Variants in DAPK1 observed in about 807,000 individuals in gnomAD.
DAPK1 encodes the protein death associated protein kinase 1, also known as death-associated protein kinase 1.
DAPK1 carries 56 observed loss-of-function variants against 144.9 expected under a neutral mutation model. That is an observed-to-expected ratio of 0.39 (90% CI 0.31 to 0.48). The LOEUF (loss-of-function observed/expected upper bound fraction) is 0.48. DAPK1 is among the 20% of genes least tolerant of loss of function. The probability of loss-of-function intolerance (pLI) is 0.95; values close to 1 mark genes in which losing one functional copy is unlikely to be tolerated. For missense variants in DAPK1, 1,454 were observed against 1,875.4 expected, an observed-to-expected ratio of 0.78 and a Z score of 4.15; for synonymous variants, 690 against 749.0, an observed-to-expected ratio of 0.92 and a Z score of 1.29.
intron 3 of DAPK1, among the ~76,000 whole-genome samples, chr9:87,617,539 C>T (rs1235600218): frequency 6.6e-6 from 1 of 152,202 alleles, no homozygotes; most frequent in Non-Finnish European, 1.5e-5. Context: ...TCTTCCTTGA[C>T]TCTCATTCCC....
intron 3 of DAPK1, 103 bp downstream of exon 3, chr9:87,605,278 G>A: frequency 3.2e-6 from 3 of 941,470 alleles, no homozygotes; most frequent in Non-Finnish European, 5.0e-6. Flanking sequence ...AGAGGGATCA[G>A]GAATTGGTTC....
Position 87,700,143 on chromosome 9 carries a change from A to G in DAPK1, c.2777A>G (p.Asn926Ser), listed in dbSNP as rs374262081. 1.1e-5 allele frequency: 18 copies of G among 1,610,976 alleles called. No homozygotes were observed. In the African/African-American group the frequency reaches 2.3e-4, roughly 20 times the overall value. ...NRFGNDLHIS[N>S]KLFVLDAGAS... is the part of the protein sequence containing the mutation. Reference sequence around the variant, plus strand: ...TTTGGAAATGATCTTCACATTTCAAATAAGCTGTTTGTTCTGGATGCTGGG... The same window carrying G: ...TTTGGAAATGATCTTCACATTTCAAGTAAGCTGTTTGTTCTGGATGCTGGG... Residue 926 changes from asparagine to serine, a missense_variant, in exon 24 of 26, where the codon AAT (asparagine) becomes AGT (serine). Coordinates refer to ENST00000408954, the MANE Select transcript of DAPK1 (RefSeq NM_004938.4).
chr9:87,654,859 G>A (rs1830579005), intron 17 of DAPK1, among the ~76,000 whole-genome samples: 1 of 152,130 alleles, frequency 6.6e-6, no homozygotes, highest in Non-Finnish European at 1.5e-5. Context: ...AACAGGGAAT[G>A]TGTTCTTCCC....
chr9:87,600,247 C>T (rs946191411), intron 2 of DAPK1, among the ~76,000 whole-genome samples: 14 of 152,158 alleles, frequency 9.2e-5, no homozygotes, highest in African/African-American at 3.4e-4. Flanking sequence ...CGTGCATGTC[C>T]ACAAGTGACT....
Position 87,557,679 on chromosome 9 carries a change from G to A in DAPK1, c.63-47275G>A, listed in dbSNP as rs1035970818. On this transcript the variant is annotated intron_variant, in intron 2 of 25. Coordinates refer to ENST00000408954, the MANE Select transcript of DAPK1 (RefSeq NM_004938.4). Reference sequence around the variant, plus strand: ...TCCTTGGCAGGGCGCGGTAGCTTATGCTTATAATCACAGCACTTTGGGAGG... The same window carrying A: ...TCCTTGGCAGGGCGCGGTAGCTTATACTTATAATCACAGCACTTTGGGAGG... Among the ~76,000 whole-genome samples the A allele has an allele frequency of 3.9e-5, 6 of 152,154 alleles. 1 individual carries two copies. In the East Asian group the frequency reaches 1.2e-3, roughly 29 times the overall value.
At chr9:87,636,417 T>C (rs904203851) in intron 3 of DAPK1, among the ~76,000 whole-genome samples, 2 of 152,144 alleles carry the variant, frequency 1.3e-5, no homozygotes, top group Non-Finnish European at 2.9e-5. Context: ...AATTAAGACG[T>C]GGGAAAATGG....
In DAPK1 at chr9:87,686,248, G is replaced by A. The variant is rs1311371844; in HGVS notation, c.2225-303G>A. Among the ~76,000 whole-genome samples the A allele has an allele frequency of 1.3e-5, 2 of 152,132 alleles. No individual in the cohort carries two copies. The highest frequency in any genetic ancestry group is 6.5e-5 in the Admixed American group (1 of 15,278). On this transcript the variant is annotated intron_variant, in intron 20 of 25. Coordinates refer to ENST00000408954, the MANE Select transcript of DAPK1 (RefSeq NM_004938.4). The surrounding 1 kb of genome is among the most constrained non-coding windows in gnomAD (Gnocchi z 4.2). ...CCACCCTCTCCACAGCCTCCCGTTG[G>A]CTGACCCTAAGCAGAAATCACATGG...
At position 87,500,639 on chromosome 9, in the gene DAPK1, A is replaced by G. The variant is rs574423295; in HGVS notation, c.62+1500A>G. 9.2e-5 allele frequency among the ~76,000 whole-genome samples: 14 copies of G among 152,178 alleles called. No individual in the cohort carries two copies. In the East Asian group the frequency reaches 2.7e-3, roughly 29 times the overall value. ...ATTTTCATTATGATTTTTTGGTACCATTATGTGTTATGAGAAAGAAATAGA... is the reference window on the plus strand; with the variant it reads ...ATTTTCATTATGATTTTTTGGTACCGTTATGTGTTATGAGAAAGAAATAGA... On this transcript the variant is annotated intron_variant, in intron 2 of 25. Coordinates refer to ENST00000408954, the MANE Select transcript of DAPK1 (RefSeq NM_004938.4).
At chr9:87,616,449 G>A (rs1829099421) in intron 3 of DAPK1, among the ~76,000 whole-genome samples, 1 of 152,164 alleles carries the variant, frequency 6.6e-6, no homozygotes, top group Non-Finnish European at 1.5e-5. Flanking sequence ...GTTGACCAGG[G>A]AGAAGGACAG....
intron 1 of DAPK1, 194 bp from the exon 2 acceptor site, chr9:87,498,776 C>G (rs1299495491): frequency 2.3e-6 from 1 of 436,140 alleles, no homozygotes; most frequent in Non-Finnish European, 4.1e-6. Flanking sequence ...CGGCCCCACG[C>G]GCGCGCGGGG....
intron 1 of DAPK1, chr9:87,498,386 T>G: frequency 3.0e-5 from 10 of 334,662 alleles, no homozygotes; most frequent in Non-Finnish European, 2.7e-5. Flanking sequence ...GGCCGCTCCC[T>G]TCCCTCCCTT....
At chr9:87,674,443 A>G (rs919668866) in intron 19 of DAPK1, among the ~76,000 whole-genome samples, 1 of 136,632 alleles carries the variant, frequency 7.3e-6, no homozygotes, top group Non-Finnish European at 1.5e-5. Flanking sequence ...TGAACCCAGG[A>G]GGTGGAGGTT....
Position 87,650,023 on chromosome 9 carries a change from G to A in DAPK1, c.1531G>A (p.Gly511Arg). The change falls in exon 16 of 26, where the codon GGA becomes AGA. Residue 511 changes from glycine (G) to arginine (R), a missense_variant. Around this residue, in one of 2 missense-constraint regions of DAPK1, gnomAD observed 1,025 missense variants for 1,237.9 expected, o/e 0.83. Transcript: ENST00000408954. ...GCNVNIKNRE[G>R]ETPLLTASAR... Reference sequence around the variant, plus strand: ...TAACGTGAACATCAAGAACCGAGAAGGAGAGACGCCCCTCCTGACAGCCTC... The same window carrying A: ...TAACGTGAACATCAAGAACCGAGAAAGAGAGACGCCCCTCCTGACAGCCTC... The A allele has an allele frequency of 6.2e-7, 1 of 1,614,194 alleles. No homozygotes were observed. The highest frequency in any genetic ancestry group is 8.5e-7 in the Non-Finnish European group (1 of 1,180,038).
chr9:87,502,220 T>A (rs1246385021), intron 2 of DAPK1, among the ~76,000 whole-genome samples: 1 of 152,002 alleles, frequency 6.6e-6, no homozygotes, highest in Admixed American at 6.6e-5. Context: ...TTCTGAATAA[T>A]GCAGCCCTGG....
At chr9:87,582,565 T>A (rs951334046) in intron 2 of DAPK1, among the ~76,000 whole-genome samples, 1 of 151,646 alleles carries the variant, frequency 6.6e-6, no homozygotes, top group Admixed American at 6.6e-5. Context: ...TGCTTTTTTT[T>A]TTTTTTTGAG....
chr9:87,507,645 A>G (rs894068139), intron 2 of DAPK1, among the ~76,000 whole-genome samples: 1 of 150,190 alleles, frequency 6.7e-6, no homozygotes, highest in African/African-American at 2.4e-5. Context: ...AATGTTGTTG[A>G]TTTTTTTTTT....
intron 3 of DAPK1, among the ~76,000 whole-genome samples, chr9:87,636,749 T>G (rs925877538): frequency 6.6e-6 from 1 of 152,250 alleles, no homozygotes; most frequent in Non-Finnish European, 1.5e-5. Flanking sequence ...AGAGAGATAA[T>G]GAATACAGCA....
chr9:87,616,178 G>A (rs1406185464), intron 3 of DAPK1, among the ~76,000 whole-genome samples: 1 of 152,238 alleles, frequency 6.6e-6, no homozygotes, highest in Non-Finnish European at 1.5e-5. Context: ...ATGAAGTTGG[G>A]GGTGGGCAGA....
chr9:87,527,449 C>G (rs1030832109), intron 2 of DAPK1, among the ~76,000 whole-genome samples: 2 of 152,176 alleles, frequency 1.3e-5, no homozygotes, highest in African/African-American at 4.8e-5. Context: ...TACTCACCGG[C>G]CTTACACGGA....
Sources: allele counts gnomAD v4.1 joint callset (sites outside exome capture counted in the v4.1 genomes callset), GRCh38; gene constraint gnomAD v4.1.1; regional missense constraint gnomAD v4.1.1; non-coding constraint Gnocchi (gnomAD v3.1); transcripts MANE v1.5; gene names NCBI Gene and HGNC (gene_info 2026-07-23, HGNC 2026-07-21).